Variants in MYRFL observed in about 807,000 individuals in gnomAD.
The protein encoded by MYRFL is myelin regulatory factor like, also known as myelin regulatory factor-like protein.
In MYRFL, 88 loss-of-function variants were observed where a neutral mutation model predicts 109.4. The observed-to-expected ratio is 0.80, with a 90% CI of 0.68 to 0.96. The LOEUF (loss-of-function observed/expected upper bound fraction) is 0.96. Among genes scored for constraint, MYRFL ranks in the 40% least tolerant of loss-of-function variants. The pLI, the probability that MYRFL is intolerant of heterozygous loss-of-function variation, is 0.00. For synonymous variants in MYRFL, 324 were observed against 320.9 expected (o/e 1.01, Z -0.10); for missense variants, 957 against 954.9 (o/e 1.00, Z -0.03).
chr12:69,917,234 G>A (rs189475353), intron 13 of MYRFL, among the ~76,000 whole-genome samples: 2 of 152,260 alleles, frequency 1.3e-5, no homozygotes, highest in East Asian at 3.9e-4. Flanking sequence ...TAGTGCCATT[G>A]CTCTAATTTT....
At chr12:69,939,609 A>AACTGGAAACTCTAAAAAT (rs1017897357) in intron 19 of MYRFL, among the ~76,000 whole-genome samples, 3 of 152,238 alleles carry the variant, frequency 2.0e-5, no homozygotes, top group African/African-American at 7.2e-5. Flanking sequence ...AGAACAGAAA[A>AACTGGAAACTCTAAAAAT]ACTGGAAACT....
intron 20 of MYRFL, among the ~76,000 whole-genome samples, chr12:69,952,459 T>C (rs1956002640): frequency 6.6e-6 from 1 of 152,246 alleles, no homozygotes; most frequent in Non-Finnish European, 1.5e-5. Flanking sequence ...TAGTTTGTCT[T>C]CTGTTTTCTG....
chr12:69,887,041 A>G (rs1886501010), intron 6 of MYRFL, 71 bp downstream of exon 6: 1 of 1,479,966 alleles, frequency 6.8e-7, no homozygotes, highest in South Asian at 1.3e-5. Context: ...GAGTTCAAGC[A>G]CTGGAGCTTT....
In MYRFL at chr12:69,930,683, G is replaced by T. The variant is rs148990993; in HGVS notation, c.1831-1830G>T. The stretch of plus-strand genomic sequence containing the variant: ...AAAATTAAAAAATTAACTGGGTTTG[G>T]TGGCTATAGTTGTAGTTACTAGGGA... On this transcript the variant is annotated intron_variant, in intron 15 of 24. Transcript: ENST00000552032. 2.1e-3 allele frequency among the ~76,000 whole-genome samples: 313 copies of T among 152,006 alleles called. 2 individuals are homozygous for T. The highest frequency in any genetic ancestry group is 0.017 in the East Asian group (86 of 5,162).
At chr12:69,870,868 G>T (rs1018169474) in intron 2 of MYRFL, among the ~76,000 whole-genome samples, 1 of 152,120 alleles carries the variant, frequency 6.6e-6, no homozygotes, top group East Asian at 1.9e-4. Context: ...TTTGGTTCTC[G>T]TTAAGGGACT....
In MYRFL at chr12:69,825,242, C is replaced by T. The variant is rs1882203601; in HGVS notation, c.-276C>T. The T allele has an allele frequency of 3.3e-6, 2 of 600,200 alleles. No individual in the cohort carries two copies. Among genetic ancestry groups the T allele is most frequent in the East Asian group, 6.1e-5 (2 of 32,580 alleles). The allele number at this position is 600,200 out of a possible 1,614,324, so 37.2% of individuals were successfully genotyped here. On this transcript the variant is annotated 5_prime_UTR_variant, in exon 1 of 25. Coordinates refer to ENST00000552032, the MANE Select transcript of MYRFL (RefSeq NM_182530.3). Reference sequence around the variant, plus strand: ...GACGAAAAGCAGAGTAGAAACAGTTCCTTATATTAAGACAGATGAATTTGC... The same window carrying T: ...GACGAAAAGCAGAGTAGAAACAGTTTCTTATATTAAGACAGATGAATTTGC...
At chr12:69,859,072 A>G (rs891350002) in intron 2 of MYRFL, among the ~76,000 whole-genome samples, 2 of 151,920 alleles carry the variant, frequency 1.3e-5, no homozygotes, top group African/African-American at 4.8e-5. Flanking sequence ...ATACTTTCAA[A>G]TTTCTTTTGA....
intron 2 of MYRFL, among the ~76,000 whole-genome samples, chr12:69,856,373 T>C (rs1417784379): frequency 1.3e-5 from 2 of 152,108 alleles, no homozygotes; most frequent in African/African-American, 4.8e-5. Context: ...TATTTATGTA[T>C]GGGTTTTTGT....
chr12:69,912,337 C>T (rs910184733), intron 13 of MYRFL, among the ~76,000 whole-genome samples: 18 of 152,160 alleles, frequency 1.2e-4, no homozygotes, highest in Admixed American at 2.6e-4. Context: ...ATTATCTTAA[C>T]CATTTTTAAG....
intron 1 of MYRFL, among the ~76,000 whole-genome samples, chr12:69,845,646 A>G (rs369717506): frequency 1.6e-3 from 243 of 152,322 alleles, no homozygotes; most frequent in African/African-American, 5.0e-3. Context: ...GGAGTGAGGG[A>G]TAGAAAGCAG....
intron 19 of MYRFL, among the ~76,000 whole-genome samples, chr12:69,942,630 C>T (rs1035833970): frequency 3.3e-5 from 5 of 150,624 alleles, no homozygotes; most frequent in African/African-American, 9.8e-5. Flanking sequence ...TGGCACAAGA[C>T]AGGGATGCCC....
intron 10 of MYRFL, among the ~76,000 whole-genome samples, chr12:69,901,668 A>G (rs1013387991): frequency 6.6e-6 from 1 of 152,172 alleles, no homozygotes; most frequent in Non-Finnish European, 1.5e-5. Flanking sequence ...ATACATCACC[A>G]TCTTATATGG....
intron 1 of MYRFL, among the ~76,000 whole-genome samples, chr12:69,837,463 C>CG (rs1483450207): frequency 2.0e-5 from 3 of 151,904 alleles, no homozygotes; most frequent in Non-Finnish European, 4.4e-5. Flanking sequence ...GCCCTGTCTC[C>CG]GGGGGAGTGG....
chr12:69,953,753 A>G (rs1365467540), intron 21 of MYRFL, among the ~76,000 whole-genome samples: 1 of 140,330 alleles, frequency 7.1e-6, no homozygotes, highest in Non-Finnish European at 1.5e-5. Flanking sequence ...TGGATGACAA[A>G]GTGCAACCCG....
At chr12:69,937,550 TA>T (rs1955509865) in intron 19 of MYRFL, among the ~76,000 whole-genome samples, 2 of 152,322 alleles carry the variant, frequency 1.3e-5, no homozygotes, top group South Asian at 4.1e-4. Flanking sequence ...GTAGTAGTGG[TA>T]AAAGAACAAG....
chr12:69,925,606 A>C (rs1955050880), intron 13 of MYRFL, among the ~76,000 whole-genome samples: 1 of 152,114 alleles, frequency 6.6e-6, no homozygotes, highest in Non-Finnish European at 1.5e-5. Flanking sequence ...ATGTGAGTTG[A>C]TAAGAGCTTT....
intron 1 of MYRFL, among the ~76,000 whole-genome samples, chr12:69,827,771 T>A (rs1882375531): frequency 6.6e-6 from 1 of 152,038 alleles, no homozygotes; most frequent in African/African-American, 2.4e-5. Context: ...AGCAAAAAAG[T>A]GACTTACAAT....
rs1955463326 is a variant in MYRFL at position 69,936,306 on chromosome 12, CA to C, written c.2016del (p.Ala673LeufsTer16). On this transcript the variant is annotated frameshift_variant, in exon 18 of 25. Coordinates refer to ENST00000552032, the MANE Select transcript of MYRFL (RefSeq NM_182530.3). LOFTEE classifies it high-confidence loss of function. ...PPSNITSSQEPALLPTASSSA... is the reference protein window; with the variant it reads ...PPSNITSSQEXALLPTASSSA... ...AGCAATATCACAAGCTCACAGGAGC[CA>C]GCTCTGCTGCCCACAGCCTCCTCCT... is the stretch of plus-strand genomic sequence containing the variant. 1.3e-6 allele frequency: 2 copies of C among 1,536,020 alleles called. No individual in the cohort carries two copies. The highest frequency in any genetic ancestry group is 1.4e-5 in the African/African-American group (1 of 72,974).
chr12:69,900,442 A>C (rs1402781070), intron 10 of MYRFL, among the ~76,000 whole-genome samples: 1 of 152,198 alleles, frequency 6.6e-6, no homozygotes, highest in Non-Finnish European at 1.5e-5. Flanking sequence ...TGTATTATGA[A>C]TAAGAATCCC....
Sources: allele counts gnomAD v4.1 joint callset (sites outside exome capture counted in the v4.1 genomes callset), GRCh38; gene constraint gnomAD v4.1.1; transcripts MANE v1.5; gene names NCBI Gene and HGNC (gene_info 2026-07-23, HGNC 2026-07-21).